The following SELP variants were observed in gnomAD, a reference collection of about 807,000 sequenced individuals.
The protein encoded by SELP is selectin P.
SELP carries 92 observed loss-of-function variants against 104.1 expected under a neutral mutation model. The observed-to-expected ratio is 0.88, with a 90% confidence interval of 0.75 to 1.05. The LOEUF is 1.05. Among genes scored for constraint, SELP ranks in the 50% least tolerant of loss-of-function variants. The pLI, the probability that SELP is intolerant of heterozygous loss-of-function variation, is 0.00. For missense variants in SELP, 1,022 were observed against 1,017.3 expected (o/e 1.00, Z -0.06); for synonymous variants, 397 against 364.5 (o/e 1.09, Z -1.01).
intron 14 of SELP, among the ~76,000 whole-genome samples, chr1:169,592,148 G>T (rs1488882904): frequency 1.3e-5 from 2 of 152,170 alleles, no homozygotes; most frequent in South Asian, 2.1e-4. Context: ...TGCCTTCTGG[G>T]TTTGGTTGAG....
chr1:169,603,009 ACAGACC>A lies in SELP; in HGVS notation c.1705+11_1705+16del, dbSNP rs778332710. The A allele has an allele frequency of 6.3e-7, 1 of 1,599,922 alleles. No individual in the cohort carries two copies. The highest frequency in any genetic ancestry group is 2.2e-5 in the East Asian group (1 of 44,590). On this transcript the variant is annotated intron_variant, in intron 10 of 16. Coordinates refer to ENST00000263686, the MANE Select transcript of SELP (RefSeq NM_003005.4). ...GTCATCTTTAAAGCCATAAGAAAGG[ACAGACC>A]CACAGCCTACCTTCACACATTGGTG...
intron 7 of SELP, among the ~76,000 whole-genome samples, 169 bp from the exon 8 acceptor site, chr1:169,609,858 T>C (rs1052840043): frequency 6.6e-6 from 1 of 152,094 alleles, no homozygotes; most frequent in Admixed American, 6.5e-5. Flanking sequence ...CCCATGCCCC[T>C]CTTGGCCTGA....
Position 169,617,137 on chromosome 1 carries a change from G to C in SELP, c.372C>G (p.Asn124Lys), listed in dbSNP as rs1174917671. 6.2e-7 allele frequency: 1 copy of C among 1,613,972 alleles called. No individual in the cohort carries two copies. The highest frequency in any genetic ancestry group is 1.7e-5 in the Admixed American group (1 of 60,004). The change falls in exon 3 of 17, where the codon AAC (asparagine) becomes AAG (lysine). Residue 124 changes from asparagine (N) to lysine (K), a missense_variant. By Grantham distance (94) the Asn-to-Lys change is moderately conservative. Transcript: ENST00000263686. ...CCACGCAGTCCTCGTTGTTCCTTTTGTTGTTAGGTTCATTATCAGCCCAGT... is the reference window on the plus strand; with the variant it reads ...CCACGCAGTCCTCGTTGTTCCTTTTCTTGTTAGGTTCATTATCAGCCCAGT... Reference protein sequence around the residue: ...AENWADNEPNNKRNNEDCVEI... With the variant: ...AENWADNEPNKKRNNEDCVEI...
chr1:169,607,207 T>G, intron 8 of SELP, 73 bp from the exon 9 acceptor site: 1 of 1,265,916 alleles, frequency 7.9e-7, no homozygotes, highest in Non-Finnish European at 1.0e-6. Context: ...CCATTAACTC[T>G]TTCTAGTGTC....
chr1:169,607,655 A>T (rs1481536038), intron 8 of SELP, among the ~76,000 whole-genome samples: 1 of 152,178 alleles, frequency 6.6e-6, no homozygotes, highest in Non-Finnish European at 1.5e-5. Context: ...GATCTCAAAG[A>T]TGTAAAATAA....
chr1:169,593,543 A>C (rs1661442129), intron 14 of SELP, 62 bp downstream of exon 14: 2 of 1,517,764 alleles, frequency 1.3e-6, no homozygotes, highest in Non-Finnish European at 1.8e-6. Flanking sequence ...CCTAAATTAC[A>C]TAAATCAATT....
chr1:169,612,844 A>AT (rs1379978556), intron 5 of SELP, 85 bp downstream of exon 5: 3 of 1,198,684 alleles, frequency 2.5e-6, no homozygotes, highest in African/African-American at 1.5e-5. Flanking sequence ...TATTTCTCAC[A>AT]TTTTTTAATG....
intron 3 of SELP, among the ~76,000 whole-genome samples, chr1:169,615,350 T>A (rs1386779405): frequency 6.6e-6 from 1 of 152,226 alleles, no homozygotes; most frequent in Non-Finnish European, 1.5e-5. Context: ...ATAAAACCCA[T>A]CTGTGTTCAG....
intron 9 of SELP, among the ~76,000 whole-genome samples, chr1:169,605,701 C>T (rs1441168901): frequency 6.6e-6 from 1 of 152,004 alleles, no homozygotes; most frequent in African/African-American, 2.4e-5. Context: ...ATATTAATTG[C>T]ATAGGAGGAA....
chr1:169,593,346 T>C (rs1661435770), intron 14 of SELP, among the ~76,000 whole-genome samples: 1 of 152,186 alleles, frequency 6.6e-6, no homozygotes, highest in Admixed American at 6.5e-5. Context: ...GGAGAGAGCT[T>C]TTGAAAAATT....
chr1:169,604,863 C>T (rs1023465678), intron 9 of SELP, among the ~76,000 whole-genome samples: 5 of 152,000 alleles, frequency 3.3e-5, no homozygotes, highest in Non-Finnish European at 7.4e-5. Flanking sequence ...GGTGGGAGGA[C>T]ATTAAAAAGG....
chr1:169,616,409 G>A (rs375721425), intron 3 of SELP, among the ~76,000 whole-genome samples: 2 of 152,288 alleles, frequency 1.3e-5, no homozygotes, highest in African/African-American at 4.8e-5. Flanking sequence ...TTAGAACCCT[G>A]GGCAGATTAC....
intron 15 of SELP, among the ~76,000 whole-genome samples, chr1:169,590,927 T>C (rs1557941869): frequency 6.6e-6 from 1 of 152,234 alleles, no homozygotes; most frequent in Non-Finnish European, 1.5e-5. Context: ...TCAAGCACTT[T>C]ACATGTAAAT....
chr1:169,604,834 G>A (rs1662103734), intron 9 of SELP, among the ~76,000 whole-genome samples: 1 of 152,146 alleles, frequency 6.6e-6, no homozygotes, highest in Non-Finnish European at 1.5e-5. Flanking sequence ...CCTTCTGACA[G>A]CAGGGGTAGA....
In SELP at chr1:169,596,109, C is replaced by T. The variant is rs775734355; in HGVS notation, c.1917G>A (p.Gly639=). ...CKGIASLPTP[G]VQCPALTTPG... ...GAGTGGTGAGGGCTGGACATTGCAC[C>T]CCTGGAGTAGGAAGTGATGCTATGC... The change falls in exon 12 of 17, where the codon GGG becomes GGA. Residue 639 remains glycine (G), a synonymous_variant. Coordinates refer to ENST00000263686, the MANE Select transcript of SELP (RefSeq NM_003005.4). 1.4e-5 allele frequency: 23 copies of T among 1,613,562 alleles called. No individual in the cohort carries two copies. The highest frequency in any genetic ancestry group is 1.9e-5 in the Non-Finnish European group (22 of 1,179,748).
At position 169,597,140 on chromosome 1, in the gene SELP, C is replaced by A. The variant is rs1387082540; in HGVS notation, c.1742G>T (p.Gly581Val). Residue 581 changes from glycine (G) to valine (V), a missense_variant, in exon 11 of 17, where the codon GGC (glycine) becomes GTC (valine). Coordinates refer to ENST00000263686, the MANE Select transcript of SELP (RefSeq NM_003005.4). ...ACGAGTGTCAGAACAATCCAGGCTG[C>A]CCTGCTCTGGGGCAAAGAGTTCTGG... is the stretch of plus-strand genomic sequence containing the variant. ...KCPELFAPEQ[G>V]SLDCSDTRGE... 1 of 1,609,302 alleles carries A rather than the reference C, an allele frequency of 6.2e-7. No homozygotes were observed. The highest frequency in any genetic ancestry group is 1.1e-5 in the South Asian group (1 of 90,672).
intron 9 of SELP, among the ~76,000 whole-genome samples, chr1:169,605,283 A>ACT (rs1662123754): frequency 6.6e-6 from 1 of 152,178 alleles, no homozygotes; most frequent in Non-Finnish European, 1.5e-5. Flanking sequence ...CTTAAGGGGC[A>ACT]AGGTCACAGC....
At chr1:169,589,692 A>G (rs1661257189) in intron 16 of SELP, 1 of 153,076 alleles carries the variant, frequency 6.5e-6, no homozygotes, top group African/African-American at 2.4e-5. Flanking sequence ...GATTTCGAAT[A>G]TTCTGCCATT....
intron 12 of SELP, among the ~76,000 whole-genome samples, chr1:169,595,120 T>C (rs769628342): frequency 7.2e-5 from 11 of 152,152 alleles, no homozygotes; most frequent in Non-Finnish European, 7.4e-5. Context: ...ATCCGACAAA[T>C]ACCTGCTAAT....
Sources: gnomAD v4.1 joint callset for allele counts (sites outside exome capture counted in the v4.1 genomes callset) on GRCh38, gnomAD v4.1.1 for gene constraint, MANE v1.5 for transcripts, NCBI Gene and HGNC (gene_info 2026-07-23, HGNC 2026-07-21) for gene names.